The following OLFM3 variants were observed in gnomAD, a reference collection of about 807,000 sequenced individuals.
OLFM3 encodes olfactomedin 3, also known as noelin-3.
A neutral mutation model predicts 48.6 loss-of-function variants in OLFM3; 20 were observed. That is an observed-to-expected ratio of 0.41 (90% CI 0.29 to 0.60). OLFM3 has a LOEUF of 0.60. OLFM3 is among the 20% of genes least tolerant of loss of function. The pLI, the probability that OLFM3 is intolerant of heterozygous loss-of-function variation, is 0.28. For synonymous variants in OLFM3, 222 were observed against 198.1 expected (o/e 1.12, Z -1.01); for missense variants, 437 against 544.3 (o/e 0.80, Z 1.96).
rs181687111 is a variant in OLFM3 at position 101,830,869 on chromosome 1, C to G, written c.217-42G>C. The G allele has an allele frequency of 1.5e-5, 24 of 1,569,252 alleles. 1 individual carries two copies. The Admixed American group carries it at 4.7e-4, about 31-fold the overall frequency. On this transcript the variant is annotated intron_variant, in intron 2 of 5. Transcript: ENST00000370103. ...TTGTCTGTACATTATTATCTGTTTGCAGGTTTGTGCAATCACTAAGAAATA... is the reference window on the plus strand; with the variant it reads ...TTGTCTGTACATTATTATCTGTTTGGAGGTTTGTGCAATCACTAAGAAATA...
intron 1 of OLFM3, among the ~76,000 whole-genome samples, chr1:101,864,187 G>T (rs1656769575): frequency 6.6e-6 from 1 of 151,536 alleles, no homozygotes; most frequent in African/African-American, 2.4e-5. Flanking sequence ...ATTTGTTCTG[G>T]TTCATATCCT....
intron 1 of OLFM3, among the ~76,000 whole-genome samples, chr1:101,943,569 C>T (rs4475771): frequency 0.93 from 140,999 of 152,278 alleles, 65,569 homozygotes; most frequent in Middle Eastern, 0.98. Context: ...TAGAGAGAAA[C>T]GTGATGATTC....
intron 1 of OLFM3, among the ~76,000 whole-genome samples, chr1:101,889,797 G>T (rs1356773198): frequency 2.6e-5 from 4 of 151,756 alleles, no homozygotes; most frequent in Admixed American, 2.6e-4. Context: ...GTTAAAGATG[G>T]TTACGTTTAT....
chr1:101,863,709 A>T (rs1343953965), intron 1 of OLFM3, among the ~76,000 whole-genome samples: 2 of 152,216 alleles, frequency 1.3e-5, no homozygotes, highest in African/African-American at 4.8e-5. Flanking sequence ...TTTCATGAAG[A>T]ATTGTGGTTA....
intron 1 of OLFM3, among the ~76,000 whole-genome samples, chr1:101,915,934 T>C (rs1398350905): frequency 1.3e-5 from 2 of 152,072 alleles, no homozygotes; most frequent in Admixed American, 1.3e-4. Flanking sequence ...CTTTCATTTG[T>C]ACTGCCTCAT....
chr1:101,814,178 G>A (rs1654215510), intron 4 of OLFM3, among the ~76,000 whole-genome samples: 1 of 151,780 alleles, frequency 6.6e-6, no homozygotes, highest in African/African-American at 2.4e-5. Flanking sequence ...TCTTACCGTA[G>A]AAAGCAAACT....
At chr1:101,875,065 T>C (rs1461501857) in intron 1 of OLFM3, among the ~76,000 whole-genome samples, 3 of 151,958 alleles carry the variant, frequency 2.0e-5, no homozygotes, top group African/African-American at 7.2e-5. Flanking sequence ...TAAAATCCAT[T>C]GAAAGATATT....
chr1:101,945,614 A>G (rs1279378141), intron 1 of OLFM3, among the ~76,000 whole-genome samples: 2 of 152,082 alleles, frequency 1.3e-5, no homozygotes, highest in Non-Finnish European at 2.9e-5. Context: ...AAATTTATAA[A>G]ACATAAAACT....
At chr1:101,930,416 A>T (rs1659410381) in intron 1 of OLFM3, among the ~76,000 whole-genome samples, 1 of 152,190 alleles carries the variant, frequency 6.6e-6, no homozygotes, top group Admixed American at 6.6e-5. Context: ...TATAAAACTG[A>T]GGTTTAAATA....
intron 1 of OLFM3, among the ~76,000 whole-genome samples, chr1:101,903,493 C>G (rs969029805): frequency 6.6e-6 from 1 of 151,984 alleles, no homozygotes; most frequent in African/African-American, 2.4e-5. Flanking sequence ...GGAACTGAAG[C>G]CACAGATAGG....
chr1:101,854,392 TCTC>T (rs2100952968), intron 1 of OLFM3, among the ~76,000 whole-genome samples: 1 of 152,172 alleles, frequency 6.6e-6, no homozygotes, highest in African/African-American at 2.4e-5. Flanking sequence ...ATTTCTGTCT[TCTC>T]ATCTTTGCCT....
intron 4 of OLFM3, among the ~76,000 whole-genome samples, chr1:101,818,573 T>C (rs1654447898): frequency 6.6e-6 from 1 of 152,160 alleles, no homozygotes; most frequent in Non-Finnish European, 1.5e-5. Context: ...CTCCCACATC[T>C]CTACCTCAGG....
chr1:101,943,565 G>A (rs1659857681), intron 1 of OLFM3, among the ~76,000 whole-genome samples: 2 of 152,178 alleles, frequency 1.3e-5, no homozygotes, highest in Admixed American at 1.3e-4. Flanking sequence ...GAATTAGAGA[G>A]AAACGTGATG....
chr1:101,828,786 G>T (rs1655006510), intron 3 of OLFM3, among the ~76,000 whole-genome samples: 1 of 152,100 alleles, frequency 6.6e-6, no homozygotes, highest in East Asian at 1.9e-4. Flanking sequence ...TTCCTTCTGG[G>T]AATGCTCTTC....
At chr1:101,830,603 G>A (rs759283506) in intron 3 of OLFM3, 69 bp downstream of exon 3, 228 of 1,518,546 alleles carry the variant, frequency 1.5e-4, no homozygotes, top group Non-Finnish European at 2.0e-4. Context: ...TTCTAGCTGA[G>A]TGCCCCACTG....
intron 3 of OLFM3, among the ~76,000 whole-genome samples, chr1:101,829,996 G>A (rs912409874): frequency 3.3e-5 from 5 of 151,714 alleles, no homozygotes; most frequent in East Asian, 1.9e-4. Flanking sequence ...CACCACACCC[G>A]GCTAATTTTT....
chr1:101,846,832 C>T (rs754599058), intron 1 of OLFM3: 4 of 1,597,472 alleles, frequency 2.5e-6, no homozygotes, highest in African/African-American at 1.3e-5. Flanking sequence ...CCAAACCCAC[C>T]GCAGTAACTT....
At chr1:101,818,697 C>A (rs1027183343) in intron 4 of OLFM3, among the ~76,000 whole-genome samples, 2 of 152,118 alleles carry the variant, frequency 1.3e-5, no homozygotes, top group African/African-American at 4.8e-5. Context: ...TACTGCATTG[C>A]CATTGAAGAG....
chr1:101,890,221 G>C lies in OLFM3; in HGVS notation c.70-53196C>G, dbSNP rs560628779. Among the ~76,000 whole-genome samples the C allele has an allele frequency of 6.6e-5, 10 of 152,088 alleles. No homozygotes were observed. The South Asian group carries it at 2.1e-3, about 32-fold the overall frequency. On this transcript the variant is annotated intron_variant, in intron 1 of 5. Transcript: ENST00000370103. ...TCATGTTAAAATTATGTCTTTCAAA[G>C]AGCTTTTAATGATCTTGGAAAATAG...
Sources: gnomAD v4.1 joint callset for allele counts (sites outside exome capture counted in the v4.1 genomes callset) on GRCh38, gnomAD v4.1.1 for gene constraint, MANE v1.5 for transcripts, NCBI Gene and HGNC (gene_info 2026-07-23, HGNC 2026-07-21) for gene names.